Variants in SMCO2 observed in about 807,000 individuals in gnomAD.
The protein encoded by SMCO2 is single-pass membrane and coiled-coil domain-containing protein 2.
Under a neutral mutation model 29.5 loss-of-function variants are expected in SMCO2, and 25 were observed. The observed-to-expected ratio is 0.85, with a 90% confidence interval of 0.62 to 1.18. The LOEUF (loss-of-function observed/expected upper bound fraction) is 1.18. Ranked by LOEUF, SMCO2 falls within the 50% of genes most tolerant of loss-of-function variation. The pLI, the probability that SMCO2 is intolerant of heterozygous loss-of-function variation, is 0.00. For synonymous variants in SMCO2, 117 were observed against 123.3 expected, an observed-to-expected ratio of 0.95 and a Z score of 0.34; for missense variants, 348 against 344.5, an observed-to-expected ratio of 1.01 and a Z score of -0.08.
At chr12:27,434,552 C>T in the SMCO2 span, among the ~76,000 whole-genome samples, 1 of 152,038 alleles carries the variant, frequency 6.6e-6, no homozygotes, top group South Asian at 2.1e-4. Context: ...GTCTATGTAT[C>T]TTTAGAACAC....
chr12:27,472,193 A>G (rs1315010723), intron 2 of SMCO2, among the ~76,000 whole-genome samples: 2 of 152,216 alleles, frequency 1.3e-5, no homozygotes, highest in South Asian at 4.1e-4. Flanking sequence ...GCTTTGATGT[A>G]TACACAGAAT....
intron 1 of SMCO2, among the ~76,000 whole-genome samples, chr12:27,469,364 G>A (rs1479629172): frequency 6.6e-6 from 1 of 152,092 alleles, no homozygotes. Flanking sequence ...TTTCACAGGG[G>A]CCCCTTTTAT....
intron 7 of SMCO2, chr12:27,498,706 A>G (rs938195031): frequency 6.6e-6 from 1 of 150,894 alleles, no homozygotes; most frequent in African/African-American, 2.5e-5. Flanking sequence ...CTGTGAAAAA[A>G]AAATAACTCT....
intron 5 of SMCO2, chr12:27,494,093 CTT>C (rs1942965333): frequency 2.9e-6 from 1 of 350,116 alleles, no homozygotes; most frequent in African/African-American, 2.2e-5. Context: ...TGAAAATAAT[CTT>C]GTTATGTTAA....
At chr12:27,442,107 A>G in the SMCO2 span, among the ~76,000 whole-genome samples, 1 of 152,236 alleles carries the variant, frequency 6.6e-6, no homozygotes, top group East Asian at 1.9e-4. Context: ...TAGATCAGAA[A>G]AGTAGACTTT....
chr12:27,476,135 ATGT>A (rs1055034982), intron 4 of SMCO2, among the ~76,000 whole-genome samples: 26 of 152,280 alleles, frequency 1.7e-4, no homozygotes, highest in African/African-American at 5.5e-4. Flanking sequence ...ATTCAGGAGC[ATGT>A]TGTTTAATTT....
At chr12:27,490,070 A>G (rs985401182) in intron 5 of SMCO2, among the ~76,000 whole-genome samples, 8 of 152,234 alleles carry the variant, frequency 5.3e-5, no homozygotes, top group Non-Finnish European at 1.0e-4. Context: ...ATTAAAAGCA[A>G]CAAAAAACCA....
chr12:27,432,435 T>C, the SMCO2 span, among the ~76,000 whole-genome samples: 2 of 152,352 alleles, frequency 1.3e-5, no homozygotes, highest in East Asian at 1.9e-4. Context: ...TCTTGAAATA[T>C]GTAGTATGAA....
At chr12:27,475,850 A>G (rs1387908698) in intron 4 of SMCO2, 119 bp downstream of exon 5, 4 of 1,005,128 alleles carry the variant, frequency 4.0e-6, no homozygotes, top group Non-Finnish European at 4.0e-6. Context: ...ACTTTCTTGG[A>G]TGAAATATCT....
At chr12:27,481,959 G>GT (rs1949647043) in intron 4 of SMCO2, among the ~76,000 whole-genome samples, 1 of 148,448 alleles carries the variant, frequency 6.7e-6, no homozygotes, top group Non-Finnish European at 1.5e-5. Context: ...ATTTCATTGG[G>GT]TTTTTTGCTA....
At chr12:27,424,413 T>C in the SMCO2 span, 24 of 152,340 alleles carry the variant, frequency 1.6e-4, no homozygotes, top group South Asian at 4.3e-3. Flanking sequence ...AAATGAGTTA[T>C]ATGGTCATCA....
chr12:27,487,417 T>C (rs1949697838), intron 4 of SMCO2, among the ~76,000 whole-genome samples: 1 of 152,222 alleles, frequency 6.6e-6, no homozygotes, highest in African/African-American at 2.4e-5. Flanking sequence ...TTCCTTTTCA[T>C]TGCTGAGTAG....
the SMCO2 span, among the ~76,000 whole-genome samples, chr12:27,427,632 AG>A: frequency 1.3e-5 from 2 of 152,212 alleles, no homozygotes; most frequent in Non-Finnish European, 2.9e-5. Flanking sequence ...AATAGCCAAC[AG>A]CCAGACAGCC....
At chr12:27,481,210 C>A (rs1244176660) in intron 4 of SMCO2, among the ~76,000 whole-genome samples, 1 of 152,194 alleles carries the variant, frequency 6.6e-6, no homozygotes, top group Non-Finnish European at 1.5e-5. Context: ...TGGTGCCGTG[C>A]TGCAGTTGCT....
chr12:27,474,683 A>C, intron 3 of SMCO2, 103 bp from the exon 4 acceptor site: 1 of 1,329,756 alleles, frequency 7.5e-7, no homozygotes, highest in Non-Finnish European at 1.0e-6. Context: ...AGAGAGGACT[A>C]TGTGCTTGAC....
At chr12:27,502,105 C>A (rs770970640) in exon 8 of SMCO2, 34 of 1,540,096 alleles carry the variant, frequency 2.2e-5, no homozygotes, top group Non-Finnish European at 3.0e-5. Flanking sequence ...GAAGTGGAAG[C>A]CTTGTTACCC....
At chr12:27,479,880 C>T (rs1949626155) in intron 4 of SMCO2, among the ~76,000 whole-genome samples, 1 of 147,156 alleles carries the variant, frequency 6.8e-6, no homozygotes, top group African/African-American at 2.7e-5. Flanking sequence ...ATTACGCAGT[C>T]TCACACGTCT....
At chr12:27,482,414 G>C (rs1429949843) in intron 4 of SMCO2, among the ~76,000 whole-genome samples, 1 of 152,116 alleles carries the variant, frequency 6.6e-6, no homozygotes, top group Non-Finnish European at 1.5e-5. Context: ...CATTTCTCCT[G>C]CTCAGCCTCT....
chr12:27,475,422 C>T (rs1197534432), intron 4 of SMCO2, among the ~76,000 whole-genome samples, 160 bp from the exon 5 acceptor site: 1 of 152,054 alleles, frequency 6.6e-6, no homozygotes, highest in African/African-American at 2.4e-5. Flanking sequence ...CAAATAAATA[C>T]CCAAACTTCT....
Sources: allele counts gnomAD v4.1 joint callset (sites outside exome capture counted in the v4.1 genomes callset), GRCh38; gene constraint gnomAD v4.1.1; transcripts MANE v1.5; gene names NCBI Gene and HGNC (gene_info 2026-07-23, HGNC 2026-07-21).